MGST1: variants seen among roughly 807,000 people sequenced by gnomAD.
MGST1 encodes microsomal glutathione S-transferase 1.
A neutral mutation model predicts 8.9 loss-of-function variants in MGST1; 5 were observed. The ratio of observed to expected loss-of-function variants is 0.56; its 90% CI spans 0.29 to 1.19. MGST1 has a LOEUF of 1.19. MGST1 is among the 50% of genes most tolerant of loss of function. The pLI, the probability that MGST1 is intolerant of heterozygous loss-of-function variation, is 0.08. For synonymous variants in MGST1, 54 were observed against 67.8 expected (o/e 0.80, Z 1.00); for missense variants, 182 against 187.4 (o/e 0.97, Z 0.17).
At position 16,358,779 on chromosome 12, in the gene MGST1, C is replaced by CTT. The variant is rs35081887; in HGVS notation, c.221+1108_221+1109dup. ...CACCGGACCTGGCCAAAATTCATTC[C>CTT]TTTTTTTTTTTTTTTTTTTTTTTTT... On this transcript the variant is annotated intron_variant, in intron 3 of 3. Transcript: ENST00000396210. 1.8e-3 allele frequency among the ~76,000 whole-genome samples: 103 copies of CTT among 57,580 alleles called. 5 individuals carry two copies. Among genetic ancestry groups the CTT allele is most frequent in the African/African-American group, 6.4e-3 (92 of 14,280 alleles). The allele number at this position is 57,580 out of a possible 152,430, so 37.8% of individuals were successfully genotyped here.
Position 16,547,371 on chromosome 12 carries a change from A to G in MGST1, n.483-42157A>G, listed in dbSNP as rs1941837455. ...TTGATGTTCTTTTTTATCATGTGCT[A>G]TTGAGTTAATGAGTAATTTGTGTGC... On this transcript the variant is annotated intron_variant and non_coding_transcript_variant, in intron 4 of 4. Coordinates refer to the MGST1 transcript ENST00000538857. The surrounding 1 kb of genome is among the most constrained non-coding windows in gnomAD (Gnocchi z 4.6). Among the ~76,000 whole-genome samples the G allele has an allele frequency of 6.6e-6, 1 of 152,278 alleles. No individual in the cohort carries two copies. Among genetic ancestry groups the G allele is most frequent in the East Asian group, 1.9e-4 (1 of 5,182 alleles).
chr12:16,502,980 T>A (rs946997223), intron 4 of MGST1, among the ~76,000 whole-genome samples: 1 of 152,288 alleles, frequency 6.6e-6, no homozygotes, highest in Admixed American at 6.5e-5. Flanking sequence ...TTCAAACCAC[T>A]GGTGTTAGCT....
Position 16,389,269 on chromosome 12 carries a change from C to T in MGST1, n.778+5665C>T, listed in dbSNP as rs957413320. ...ATAGTTTGTTTACTCGATGCATCAA[C>T]AGTTTGTATCTCAACAGTCATTTAT... On this transcript the variant is annotated intron_variant and non_coding_transcript_variant, in intron 1 of 1. Coordinates refer to the MGST1 transcript ENST00000359720. The surrounding 1 kb of genome is among the most constrained non-coding windows in gnomAD (Gnocchi z 4.6). 6.6e-6 allele frequency among the ~76,000 whole-genome samples: 1 copy of T among 152,182 alleles called. No homozygotes were observed. The highest frequency in any genetic ancestry group is 1.5e-5 in the Non-Finnish European group (1 of 68,036).
At chr12:16,443,716 G>A (rs1941056600), downstream of MGST1, among the ~76,000 whole-genome samples, 1 of 151,760 alleles carries the variant, frequency 6.6e-6, no homozygotes, top group African/African-American at 2.4e-5. Flanking sequence ...TACTATTGTG[G>A]CTCTAATTGG....
chr12:16,394,838 C>T (rs771695398), intron 1 of MGST1, among the ~76,000 whole-genome samples: 1 of 152,030 alleles, frequency 6.6e-6, no homozygotes, highest in African/African-American at 2.4e-5. Context: ...CTCAGGTGAT[C>T]CACCTGCCTC....
intron 4 of MGST1, among the ~76,000 whole-genome samples, chr12:16,528,872 C>CT (rs1298684449): frequency 6.6e-6 from 1 of 152,026 alleles, no homozygotes; most frequent in Non-Finnish European, 1.5e-5. Flanking sequence ...TGCCATTTTA[C>CT]TTTAACATTT....
Position 16,585,877 on chromosome 12 carries a change from A to G in MGST1, n.483-3651A>G, listed in dbSNP as rs1272448087. The stretch of plus-strand genomic sequence containing the variant: ...AACATGTATATGATTCACAGGCCCA[A>G]GTAAAACATCATTTAGTCATTTATA... On this transcript the variant is annotated intron_variant and non_coding_transcript_variant, in intron 4 of 4. Transcript: ENST00000538857. The surrounding 1 kb of genome is among the most constrained non-coding windows in gnomAD (Gnocchi z 4.7). 6.6e-6 allele frequency among the ~76,000 whole-genome samples: 1 copy of G among 152,220 alleles called. No homozygotes were observed. The highest frequency in any genetic ancestry group is 6.5e-5 in the Admixed American group (1 of 15,276).
At chr12:16,354,043 A>G (rs1189305206) in intron 1 of MGST1, among the ~76,000 whole-genome samples, 188 bp from the exon 2 acceptor site, 1 of 152,174 alleles carries the variant, frequency 6.6e-6, no homozygotes, top group Non-Finnish European at 1.5e-5. Flanking sequence ...TAACAGGTAT[A>G]AGCCACTGCG....
rs1398609950 is a variant in MGST1, at chr12:16,410,083, T to G, written n.778+26479T>G. 6.6e-6 allele frequency among the ~76,000 whole-genome samples: 1 copy of G among 152,168 alleles called. No homozygotes were observed. Among genetic ancestry groups the G allele is most frequent in the African/African-American group, 2.4e-5 (1 of 41,434 alleles). ...GCAGATTTAACTCTGAGCTTTCTCT[T>G]TGCTGTTCATAATCTGCAAGGGTCT... On this transcript the variant is annotated intron_variant and non_coding_transcript_variant, in intron 1 of 1. Coordinates refer to the MGST1 transcript ENST00000359720. The surrounding 1 kb of genome is among the most constrained non-coding windows in gnomAD (Gnocchi z 4.4).
chr12:16,405,300 C>A (rs1025932960), intron 1 of MGST1, among the ~76,000 whole-genome samples: 3 of 151,988 alleles, frequency 2.0e-5, no homozygotes, highest in Non-Finnish European at 4.4e-5. Flanking sequence ...CCTACACACA[C>A]AAACTAGATA....
At chr12:16,569,877 T>C (rs556889076) in intron 4 of MGST1, among the ~76,000 whole-genome samples, 123 of 152,288 alleles carry the variant, frequency 8.1e-4, no homozygotes, top group African/African-American at 2.8e-3. Flanking sequence ...ATTTTAACTA[T>C]ATCTTTAAAG....
At chr12:16,377,544 C>T (rs1316502144), downstream of MGST1, among the ~76,000 whole-genome samples, 1 of 152,004 alleles carries the variant, frequency 6.6e-6, no homozygotes, top group Admixed American at 6.6e-5. Flanking sequence ...TCCAGTCTAT[C>T]GTTGTTGGAC....
intron 1 of MGST1, among the ~76,000 whole-genome samples, chr12:16,408,070 G>C (rs200513670): frequency 2.1e-5 from 3 of 142,378 alleles, no homozygotes; most frequent in Admixed American, 7.2e-5. Context: ...ACAGGAACAT[G>C]GATAGAGCTG....
chr12:16,348,840 T>G (rs1028799932), intron 1 of MGST1: 1 of 149,624 alleles, frequency 6.7e-6, no homozygotes, highest in Non-Finnish European at 1.5e-5. Flanking sequence ...AGTCCAAATT[T>G]GGATATTACC....
At chr12:16,349,411 GA>G in intron 1 of MGST1, among the ~76,000 whole-genome samples, 1 of 152,108 alleles carries the variant, frequency 6.6e-6, no homozygotes, top group Non-Finnish European at 1.5e-5. Flanking sequence ...ATTTGACAAG[GA>G]AAGGCCTCCA....
chr12:16,495,130 G>C (rs1342119558), intron 4 of MGST1, among the ~76,000 whole-genome samples: 1 of 152,076 alleles, frequency 6.6e-6, no homozygotes, highest in Non-Finnish European at 1.5e-5. Context: ...ACAATGTCCA[G>C]GATAACAAAC....
At position 16,410,821 on chromosome 12, in the gene MGST1, T is replaced by G. The variant is rs1940736533; in HGVS notation, n.779-26567T>G. ...ACCAGCTTCTCATTATTCACAAGAA[T>G]AACGCCTACATATAACTATTTGGTT... On this transcript the variant is annotated intron_variant and non_coding_transcript_variant, in intron 1 of 1. Transcript: ENST00000359720. This position sits in a 1 kb window ranked among gnomAD's most constrained non-coding sequence, Gnocchi z 4.4. 6.6e-6 allele frequency among the ~76,000 whole-genome samples: 1 copy of G among 152,004 alleles called. No homozygotes were observed. The highest frequency in any genetic ancestry group is 1.5e-5 in the Non-Finnish European group (1 of 67,992).
rs776728531 is a variant in MGST1, at chr12:16,357,558, T to C, written c.127-47T>C. On this transcript the variant is annotated intron_variant, in intron 2 of 3. Transcript: ENST00000396210. ...TGGAATTACAGGTGTGAGCTATTGC[T>C]CCTGGCCAGTATTTGAAATAAGTTT... 2.8e-6 allele frequency: 4 copies of C among 1,450,194 alleles called. No homozygotes were observed. In the African/African-American group the frequency reaches 5.6e-5, roughly 20 times the overall value. The allele number at this position is 1,450,194 out of a possible 1,614,324, so 89.8% of individuals were successfully genotyped here. A position where few individuals can be genotyped will look rare whatever the true frequency, so the allele number is the denominator to read the frequency against.
At chr12:16,375,927 C>T (rs900312844) in intron 3 of MGST1, among the ~76,000 whole-genome samples, 1 of 151,712 alleles carries the variant, frequency 6.6e-6, no homozygotes, top group South Asian at 2.1e-4. Flanking sequence ...GAATACGCTC[C>T]CATGCCAATA....
Sources: allele counts gnomAD v4.1 joint callset (sites outside exome capture counted in the v4.1 genomes callset), GRCh38; gene constraint gnomAD v4.1.1; non-coding constraint Gnocchi (gnomAD v3.1); transcripts MANE v1.5; gene names NCBI Gene and HGNC (gene_info 2026-07-23, HGNC 2026-07-21).